Variants in PCSK6 observed in about 807,000 individuals in gnomAD.
PCSK6 encodes proprotein convertase subtilisin/kexin type 6, also known as paired basic amino acid cleaving enzyme 4.
Under a neutral mutation model 123.3 loss-of-function variants are expected in PCSK6, and 85 were observed. That is an observed-to-expected ratio of 0.69 (90% CI 0.58 to 0.83). PCSK6 has a LOEUF of 0.83. PCSK6 is among the 40% of genes least tolerant of loss of function. PCSK6 has a pLI of 0.00. For synonymous variants in PCSK6, 508 were observed against 516.0 expected (o/e 0.98, Z 0.21); for missense variants, 1,191 against 1,282.3 (o/e 0.93, Z 1.09).
chr15:101,356,543 G>C lies in PCSK6; in HGVS notation c.1858+9653C>G, dbSNP rs185520388. On this transcript the variant is annotated intron_variant, in intron 13 of 21. Coordinates refer to ENST00000611716, the MANE Select transcript of PCSK6 (RefSeq NM_002570.5). Reference sequence around the variant, plus strand: ...AAAAAAAAAAAAATTAGCCAGATGTGGTGGCAGATGCCTGTAATCCCAGCT... The same window carrying C: ...AAAAAAAAAAAAATTAGCCAGATGTCGTGGCAGATGCCTGTAATCCCAGCT... Among the ~76,000 whole-genome samples, 1,331 of 151,308 alleles carry C rather than the reference G, an allele frequency of 8.8e-3. 22 individuals carry two copies. Among genetic ancestry groups the C allele is most frequent in the African/African-American group, 0.03 (1,229 of 41,208 alleles).
intron 11 of PCSK6, among the ~76,000 whole-genome samples, chr15:101,377,103 G>C (rs1421384912): frequency 6.6e-6 from 1 of 152,272 alleles, no homozygotes; most frequent in Non-Finnish European, 1.5e-5. Context: ...GGGTTGACCT[G>C]TGTCTGATCC....
chr15:101,405,033 A>G (rs1324068914), intron 6 of PCSK6, among the ~76,000 whole-genome samples: 1 of 152,208 alleles, frequency 6.6e-6, no homozygotes, highest in Non-Finnish European at 1.5e-5. Context: ...ATGTGTGGGA[A>G]AGCAAGCATC....
At chr15:101,434,884 C>T (rs1370600898) in intron 2 of PCSK6, among the ~76,000 whole-genome samples, 1 of 152,146 alleles carries the variant, frequency 6.6e-6, no homozygotes, top group Non-Finnish European at 1.5e-5. Flanking sequence ...ATCCCGGATC[C>T]CACCTCCTAC....
intron 1 of PCSK6, among the ~76,000 whole-genome samples, chr15:101,451,463 C>T (rs2057033079): frequency 6.6e-6 from 1 of 152,112 alleles, no homozygotes; most frequent in African/African-American, 2.4e-5. Flanking sequence ...CCCAGCCAAA[C>T]CCTTCCACAC....
chr15:101,380,547 A>C (rs1292050991), intron 11 of PCSK6, among the ~76,000 whole-genome samples: 2 of 152,266 alleles, frequency 1.3e-5, no homozygotes, highest in African/African-American at 4.8e-5. Flanking sequence ...CGCCTTAAGA[A>C]GTCAAGACTG....
intron 6 of PCSK6, among the ~76,000 whole-genome samples, chr15:101,414,795 T>C (rs1281102549): frequency 2.0e-5 from 3 of 152,036 alleles, no homozygotes; most frequent in Non-Finnish European, 4.4e-5. Flanking sequence ...TAAAAACAAA[T>C]ACAATAGAAA....
At chr15:101,357,311 C>A (rs1233775420) in intron 13 of PCSK6, among the ~76,000 whole-genome samples, 1 of 152,206 alleles carries the variant, frequency 6.6e-6, no homozygotes, top group Non-Finnish European at 1.5e-5. Flanking sequence ...GTGGAAGATC[C>A]TGCCCATTTG....
At chr15:101,346,708 C>T (rs2040739013) in intron 13 of PCSK6, 2 of 1,196,578 alleles carry the variant, frequency 1.7e-6, no homozygotes, top group African/African-American at 3.1e-5. Flanking sequence ...AGAGAGCTCT[C>T]CCTCTTCCTC....
chr15:101,469,928 TTCTC>T (rs758102999), intron 1 of PCSK6, among the ~76,000 whole-genome samples: 1 of 152,202 alleles, frequency 6.6e-6, no homozygotes, highest in Non-Finnish European at 1.5e-5. Flanking sequence ...GACGTGCTGT[TTCTC>T]TCTCATCCAG....
chr15:101,489,258 C>CCTT, intron 1 of PCSK6, 116 bp downstream of exon 1: 1 of 637,012 alleles, frequency 1.6e-6, no homozygotes, highest in Non-Finnish European at 1.9e-6. Flanking sequence ...GGTCCCGGAG[C>CCTT]CTTCCCACGC....
Position 101,479,840 on chromosome 15 carries a change from G to C in PCSK6, c.297+9534C>G, listed in dbSNP as rs373909098. 8.5e-5 allele frequency among the ~76,000 whole-genome samples: 13 copies of C among 152,278 alleles called. No homozygotes were observed. In the East Asian group the frequency reaches 2.5e-3, roughly 30 times the overall value. On this transcript the variant is annotated intron_variant, in intron 1 of 21. Coordinates refer to ENST00000611716, the MANE Select transcript of PCSK6 (RefSeq NM_002570.5). ...GGCAATGATCAGGGAGGTGAACTTGGGCCTTTTGAAGGCAAGAAGGAAGCT... is the reference window on the plus strand; with the variant it reads ...GGCAATGATCAGGGAGGTGAACTTGCGCCTTTTGAAGGCAAGAAGGAAGCT...
rs2041385463 is a variant in PCSK6, at chr15:101,366,263, C to A, written c.1791G>T (p.Lys597Asn). 6.2e-7 allele frequency: 1 copy of A among 1,613,716 alleles called. No individual in the cohort carries two copies. The highest frequency in any genetic ancestry group is 8.5e-7 in the Non-Finnish European group (1 of 1,179,812). The stretch of plus-strand genomic sequence containing the variant: ...TTTCCAAGGTCCACTGCCCTTCAGC[C>A]TTTTCTCCCCAGCAGTGGACAGTCA... Reference protein sequence around the residue: ...EFMTVHCWGEKAEGQWTLEIQ... With the variant: ...EFMTVHCWGENAEGQWTLEIQ... The change falls in exon 13 of 22, where the codon AAG becomes AAT. Residue 597 changes from lysine (K) to asparagine (N), a missense_variant. Lys to Asn is a moderately conservative substitution (Grantham distance 94). Coordinates refer to ENST00000611716, the MANE Select transcript of PCSK6 (RefSeq NM_002570.5).
intron 19 of PCSK6, 136 bp from the exon 20 acceptor site, chr15:101,313,641 A>G: frequency 7.4e-7 from 1 of 1,344,610 alleles, no homozygotes; most frequent in Non-Finnish European, 9.9e-7. Context: ...GCCATTTCCC[A>G]GGTTCTGTGA....
At chr15:101,439,913 A>G (rs2056709135) in intron 2 of PCSK6, among the ~76,000 whole-genome samples, 1 of 152,138 alleles carries the variant, frequency 6.6e-6, no homozygotes, top group South Asian at 2.1e-4. Flanking sequence ...TTATCCTTCC[A>G]TTTCCATCAC....
At chr15:101,331,587 A>G in intron 15 of PCSK6, 64 bp downstream of exon 15, 1 of 1,491,576 alleles carries the variant, frequency 6.7e-7, no homozygotes, top group Non-Finnish European at 9.3e-7. Flanking sequence ...CTGGTTGGGC[A>G]TATAGACCCT....
At chr15:101,393,072 C>T (rs187947857) in intron 8 of PCSK6, 140 bp downstream of exon 8, 105 of 747,728 alleles carry the variant, frequency 1.4e-4, no homozygotes, top group Admixed American at 8.1e-4. Flanking sequence ...AATTGTTCGC[C>T]GATGGGTGAG....
In PCSK6 at chr15:101,393,387, G is replaced by C; in HGVS notation, c.1034C>G (p.Ser345Cys). The change falls in exon 8 of 22, where the codon TCT becomes TGT. Residue 345 changes from serine to cysteine, a missense_variant. Physicochemically the swap from Ser to Cys is moderately radical, Grantham distance 112 (BLOSUM62 -1). Transcript: ENST00000611716. ...QGLGSIFVWA[S>C]GNGGREGDYC... The stretch of plus-strand genomic sequence containing the variant: ...GTCCCCCTCTCTCCCGCCATTCCCA[G>C]ATGCCCAGACGAAAATGGAGCCCAG... The C allele has an allele frequency of 6.2e-7, 1 of 1,604,116 alleles. No homozygotes were observed. The highest frequency in any genetic ancestry group is 8.5e-7 in the Non-Finnish European group (1 of 1,175,610).
chr15:101,474,998 C>T (rs1226184027), intron 1 of PCSK6, among the ~76,000 whole-genome samples: 1 of 152,202 alleles, frequency 6.6e-6, no homozygotes, highest in Non-Finnish European at 1.5e-5. Flanking sequence ...CCCAAACACA[C>T]CCCCACTTCC....
chr15:101,362,964 G>A (rs2041278721), intron 13 of PCSK6, among the ~76,000 whole-genome samples: 1 of 152,156 alleles, frequency 6.6e-6, no homozygotes, highest in Non-Finnish European at 1.5e-5. Context: ...AAACGGTGGG[G>A]GACCCTGACG....
Sources: gnomAD v4.1 joint callset for allele counts (sites outside exome capture counted in the v4.1 genomes callset) on GRCh38, gnomAD v4.1.1 for gene constraint, MANE v1.5 for transcripts, NCBI Gene and HGNC (gene_info 2026-07-23, HGNC 2026-07-21) for gene names.